SMC2: variants seen among roughly 807,000 people sequenced by gnomAD.
SMC2 encodes structural maintenance of chromosomes protein 2.
SMC2 carries 41 observed loss-of-function variants against 142.6 expected under a neutral mutation model. The ratio of observed to expected loss-of-function variants is 0.29; its 90% CI spans 0.22 to 0.37. The LOEUF (loss-of-function observed/expected upper bound fraction) is 0.37, where lower values mean the gene tolerates loss of function less well. Ranked by LOEUF, SMC2 falls within the 10% of genes least tolerant of loss-of-function variation. The pLI is 1.00. For synonymous variants in SMC2, 463 were observed against 457.5 expected, an observed-to-expected ratio of 1.01 and a Z score of -0.15; for missense variants, 1,265 against 1,373.7, an observed-to-expected ratio of 0.92 and a Z score of 1.25.
chr9:104,137,150 C>CA (rs1835639764), intron 23 of SMC2, among the ~76,000 whole-genome samples: 1 of 151,800 alleles, frequency 6.6e-6, no homozygotes, highest in African/African-American at 2.4e-5. Flanking sequence ...TCTCAAAAAC[C>CA]AAAAAAGAAT....
In SMC2 at chr9:104,125,013, A is replaced by G. The variant is rs767405439; in HGVS notation, c.2359A>G (p.Arg787Gly). 1 of 1,608,684 alleles carries G rather than the reference A, an allele frequency of 6.2e-7. No homozygotes were observed. Among genetic ancestry groups the G allele is most frequent in the South Asian group, 1.1e-5 (1 of 89,574 alleles). Reference sequence around the variant, plus strand: ...TAAAATGAAAAATGCAGAAGCTGAAAGAGAGCGAGAACTGAAAGATGCTCA... The same window carrying G: ...TAAAATGAAAAATGCAGAAGCTGAAGGAGAGCGAGAACTGAAAGATGCTCA... ...ENKMKNAEAE[R>G]ERELKDAQKK... Residue 787 changes from arginine (R) to glycine (G), a missense_variant, in exon 18 of 25, where the codon AGA (arginine) becomes GGA (glycine). By Grantham distance (125) the Arg-to-Gly change is moderately radical (BLOSUM62 -2). This residue lies in a region of SMC2 where 898 missense variants were observed against 904.2 expected (regional missense o/e 0.99). Transcript: ENST00000374793.
chr9:104,109,732 A>G (rs1315613836), intron 9 of SMC2, among the ~76,000 whole-genome samples: 1 of 152,194 alleles, frequency 6.6e-6, no homozygotes, highest in East Asian at 1.9e-4. Context: ...CAAATACCAT[A>G]TTGCCTAGAA....
At chr9:104,113,730 A>G (rs1321720322) in intron 11 of SMC2, among the ~76,000 whole-genome samples, 2 of 152,276 alleles carry the variant, frequency 1.3e-5, no homozygotes, top group East Asian at 3.9e-4. Context: ...GTATTTCTAC[A>G]TTAGGCATTC....
intron 9 of SMC2, among the ~76,000 whole-genome samples, chr9:104,106,939 T>G (rs1276478762): frequency 6.6e-6 from 1 of 152,180 alleles, no homozygotes; most frequent in South Asian, 2.1e-4. Flanking sequence ...CCCTCCTGTT[T>G]TGTTTGATGG....
At chr9:104,099,787 G>T in intron 5 of SMC2, 105 bp downstream of exon 5, 1 of 734,572 alleles carries the variant, frequency 1.4e-6, no homozygotes, top group Non-Finnish European at 2.3e-6. Flanking sequence ...GACATTATTT[G>T]GGAATGATTA....
In SMC2 at chr9:104,113,958, C is replaced by T; in HGVS notation, c.1415-6C>T. On this transcript the variant is annotated splice_polypyrimidine_tract_variant and splice_region_variant and intron_variant, in intron 11 of 24. Transcript: ENST00000374793. ...TGGTTTTAATTTATTATGATTTATC[C>T]TTCAGAAAATAAAGAGGAAAGCCTT... The T allele has an allele frequency of 1.3e-6, 2 of 1,526,954 alleles. No individual in the cohort carries two copies. The highest frequency in any genetic ancestry group is 1.8e-6 in the Non-Finnish European group (2 of 1,130,402). 94.6% of individuals were successfully genotyped at this position (1,526,954 alleles called of 1,614,324 possible).
At position 104,100,462 on chromosome 9, in the gene SMC2, A is replaced by G. The variant is rs761776420; in HGVS notation, c.636+29A>G. On this transcript the variant is annotated intron_variant, in intron 7 of 24. Coordinates refer to ENST00000374793, the MANE Select transcript of SMC2 (RefSeq NM_006444.3). ...TATTCTGTATATGTGAGGATAATCT[A>G]TTAGAATGTCTTTCAAAGTCAGCAA... 6 of 1,358,636 alleles carry G rather than the reference A, an allele frequency of 4.4e-6. No individual in the cohort carries two copies. In the East Asian group the frequency reaches 7.0e-5, roughly 16 times the overall value. 84.2% of individuals were successfully genotyped at this position (1,358,636 alleles called of 1,614,324 possible). A position where few individuals can be genotyped will look rare whatever the true frequency, so the allele number is the denominator to read the frequency against.
chr9:104,114,988 C>G (rs534637450), intron 13 of SMC2, among the ~76,000 whole-genome samples, 159 bp downstream of exon 13: 82 of 152,212 alleles, frequency 5.4e-4, no homozygotes, highest in African/African-American at 2.0e-3. Context: ...ATAACTATTC[C>G]AAAGGAGGTC....
intron 24 of SMC2, 43 bp from the exon 25 acceptor site, chr9:104,139,096 T>A (rs372090272): frequency 2.9e-6 from 4 of 1,375,562 alleles, no homozygotes; most frequent in South Asian, 1.4e-5. Flanking sequence ...ACTTCAAGTA[T>A]ATCACAAAAA....
intron 9 of SMC2, among the ~76,000 whole-genome samples, chr9:104,105,829 C>G (rs1450068264): frequency 6.6e-6 from 1 of 152,114 alleles, no homozygotes; most frequent in Middle Eastern, 3.2e-3. Flanking sequence ...TCCTGGATGT[C>G]ATATCTAACA....
chr9:104,130,595 TTAAC>T (rs1273070970), intron 21 of SMC2, among the ~76,000 whole-genome samples: 1 of 152,190 alleles, frequency 6.6e-6, no homozygotes, highest in African/African-American at 2.4e-5. Flanking sequence ...ATAATTTTTT[TTAAC>T]TGTTTTTGGC....
chr9:104,128,722 G>T (rs1044088281), intron 20 of SMC2, among the ~76,000 whole-genome samples: 4 of 152,196 alleles, frequency 2.6e-5, no homozygotes, highest in Admixed American at 2.6e-4. Context: ...TCTAGTAGAA[G>T]AAAGTCTTCT....
intron 18 of SMC2, among the ~76,000 whole-genome samples, chr9:104,125,518 G>C (rs544751995): frequency 6.6e-6 from 1 of 152,282 alleles, no homozygotes; most frequent in East Asian, 1.9e-4. Context: ...TTTCATAGTT[G>C]TGAGTAGGGG....
In SMC2 at chr9:104,101,956, T is replaced by A; in HGVS notation, c.637-4T>A. On this transcript the variant is annotated splice_region_variant and splice_polypyrimidine_tract_variant and intron_variant, in intron 7 of 24. Coordinates refer to ENST00000374793, the MANE Select transcript of SMC2 (RefSeq NM_006444.3). ...TTATTCTTTTTTTGTGATTTCTCTT[T>A]CAGGAAAGATCGTCCTACTTGGAGT... The A allele has an allele frequency of 1.3e-6, 2 of 1,522,124 alleles. No individual in the cohort carries two copies. The highest frequency in any genetic ancestry group is 1.8e-6 in the Non-Finnish European group (2 of 1,120,748). The allele number at this position is 1,522,124 out of a possible 1,614,324, so 94.3% of individuals were successfully genotyped here.
rs2131473667 is a variant in SMC2 at position 104,123,230 on chromosome 9, T to G, written c.2255T>G (p.Ile752Ser). 1 of 1,611,688 alleles carries G rather than the reference T, an allele frequency of 6.2e-7. No homozygotes were observed. The highest frequency in any genetic ancestry group is 8.5e-7 in the Non-Finnish European group (1 of 1,178,776). The change falls in exon 17 of 25, where the codon ATT (isoleucine) becomes AGT (serine). Residue 752 changes from isoleucine to serine, a missense_variant and splice_region_variant. Physicochemically the swap from Ile to Ser is moderately radical, Grantham distance 142. This residue lies in a region of SMC2 where 898 missense variants were observed against 904.2 expected (regional missense o/e 0.99). Transcript: ENST00000374793. ...QEELDALKKT[I>S]EESEETLKNT... ...GAATTAGATGCCCTTAAAAAAACCATTGGTAAGATGAAAACAGTCCATGCT... is the reference window on the plus strand; with the variant it reads ...GAATTAGATGCCCTTAAAAAAACCAGTGGTAAGATGAAAACAGTCCATGCT...
At position 104,111,649 on chromosome 9, in the gene SMC2, A is replaced by C; in HGVS notation, c.1089A>C (p.Gln363His). 1 of 1,614,108 alleles carries C rather than the reference A, an allele frequency of 6.2e-7. No homozygotes were observed. Among genetic ancestry groups the C allele is most frequent in the Non-Finnish European group, 8.5e-7 (1 of 1,179,950 alleles). Residue 363 changes from glutamine to histidine, a missense_variant, in exon 10 of 25, where the codon CAA becomes CAC. Gln to His is a conservative substitution (Grantham distance 24, BLOSUM62 0). Transcript: ENST00000374793. ...KKITDGLHAL[Q>H]EASNKDAEAL... is the part of the protein sequence containing the mutation. Reference sequence around the variant, plus strand: ...TAACAGATGGACTGCATGCCCTTCAAGAAGCAAGTAATAAAGATGCTGAAG... The same window carrying C: ...TAACAGATGGACTGCATGCCCTTCACGAAGCAAGTAATAAAGATGCTGAAG...
chr9:104,101,812 C>T (rs143821411), intron 7 of SMC2, 148 bp from the exon 8 acceptor site: 13,174 of 552,658 alleles, frequency 0.024, 223 homozygotes, highest in Non-Finnish European at 0.029. Context: ...TCTGATGTTA[C>T]GTAAAGTTTC....
At chr9:104,100,704 T>C (rs578140381) in intron 7 of SMC2, among the ~76,000 whole-genome samples, 1 of 152,316 alleles carries the variant, frequency 6.6e-6, no homozygotes, top group East Asian at 1.9e-4. Flanking sequence ...CAAGTCTGGA[T>C]TTTCCTAGTT....
chr9:104,109,681 A>G (rs1026939429), intron 9 of SMC2, among the ~76,000 whole-genome samples: 1 of 152,202 alleles, frequency 6.6e-6, no homozygotes, highest in Non-Finnish European at 1.5e-5. Flanking sequence ...TATATTGGAA[A>G]ATTATTTGGA....
Sources: allele counts gnomAD v4.1 joint callset (sites outside exome capture counted in the v4.1 genomes callset), GRCh38; gene constraint gnomAD v4.1.1; regional missense constraint gnomAD v4.1.1; transcripts MANE v1.5; gene names NCBI Gene and HGNC (gene_info 2026-07-23, HGNC 2026-07-21).